SLC24A2: variants seen among roughly 807,000 people sequenced by gnomAD.
SLC24A2 encodes the protein solute carrier family 24 member 2.
In SLC24A2, 36 loss-of-function variants were observed where a neutral mutation model predicts 62.0. That is an observed-to-expected ratio of 0.58 (90% CI 0.44 to 0.77). SLC24A2 has a LOEUF of 0.77. Ranked by LOEUF, SLC24A2 falls within the 30% of genes least tolerant of loss-of-function variation. The pLI is 0.00. For missense variants in SLC24A2, 846 were observed against 817.9 expected, an observed-to-expected ratio of 1.03 and a Z score of -0.42; for synonymous variants, 358 against 294.0, an observed-to-expected ratio of 1.22 and a Z score of -2.23.
the SLC24A2 span, among the ~76,000 whole-genome samples, chr9:20,083,060 G>A: frequency 1.3e-5 from 2 of 152,210 alleles, no homozygotes; most frequent in African/African-American, 4.8e-5. Context: ...GGGTCATTAA[G>A]CATATCTCCT....
the SLC24A2 span, among the ~76,000 whole-genome samples, chr9:20,105,130 T>C: frequency 6.6e-6 from 1 of 152,212 alleles, no homozygotes; most frequent in Non-Finnish European, 1.5e-5. Flanking sequence ...AAGGGATCAA[T>C]TCAACAAGAA....
the SLC24A2 span, among the ~76,000 whole-genome samples, chr9:19,870,173 T>G: frequency 6.6e-6 from 1 of 152,156 alleles, no homozygotes; most frequent in Admixed American, 6.5e-5. Flanking sequence ...CCATTAGTAG[T>G]TATTCCTCAT....
chr9:20,163,860 T>C, the SLC24A2 span, among the ~76,000 whole-genome samples: 1 of 152,072 alleles, frequency 6.6e-6, no homozygotes, highest in Non-Finnish European at 1.5e-5. Context: ...TTGACAAACC[T>C]GACAAAAACA....
the SLC24A2 span, among the ~76,000 whole-genome samples, chr9:19,953,046 A>G: frequency 6.6e-6 from 1 of 151,962 alleles, no homozygotes; most frequent in East Asian, 1.9e-4. Context: ...CCAATTTATT[A>G]TTCATAACAT....
the SLC24A2 span, among the ~76,000 whole-genome samples, chr9:20,238,182 C>G: frequency 6.6e-6 from 1 of 152,194 alleles, no homozygotes; most frequent in East Asian, 1.9e-4. Flanking sequence ...CTGCCAAGTA[C>G]TTTGATACTT....
the SLC24A2 span, among the ~76,000 whole-genome samples, chr9:20,020,526 A>T: frequency 6.6e-6 from 1 of 152,168 alleles, no homozygotes; most frequent in Non-Finnish European, 1.5e-5. Flanking sequence ...AACAATGAGA[A>T]CACATGGACA....
chr9:19,833,177 T>C, the SLC24A2 span, among the ~76,000 whole-genome samples: 7 of 152,168 alleles, frequency 4.6e-5, no homozygotes, highest in African/African-American at 1.7e-4. Flanking sequence ...GATTTCTGCA[T>C]TTCCAACTGA....
chr9:20,170,356 G>C, the SLC24A2 span, among the ~76,000 whole-genome samples: 3 of 152,034 alleles, frequency 2.0e-5, no homozygotes, highest in South Asian at 2.1e-4. Context: ...AGAGCACAGA[G>C]AGCAAAGGAG....
At chr9:19,532,191 T>C (rs1424620977) in intron 8 of SLC24A2, among the ~76,000 whole-genome samples, 1 of 152,192 alleles carries the variant, frequency 6.6e-6, no homozygotes, top group East Asian at 1.9e-4. Context: ...CAAGTGTTTC[T>C]CCTACCTCAG....
At chr9:20,306,774 G>A in the SLC24A2 span, among the ~76,000 whole-genome samples, 1 of 152,194 alleles carries the variant, frequency 6.6e-6, no homozygotes, top group Non-Finnish European at 1.5e-5. Context: ...TTGGTCCACT[G>A]CAACCTCTGC....
Position 19,529,705 on chromosome 9 carries a change from G to GA in SLC24A2, c.1480-1568dup, listed in dbSNP as rs1315231719. 1.1e-3 allele frequency among the ~76,000 whole-genome samples: 166 copies of GA among 147,474 alleles called. 3 individuals are homozygous for GA. The East Asian group carries it at 0.024, about 21-fold the overall frequency. The stretch of plus-strand genomic sequence containing the variant: ...CTAAGCGCTTTAATGGGTAATGGGG[G>GA]AAATAAAAAGGTAATCATTTTTTTA... On this transcript the variant is annotated intron_variant, in intron 8 of 10. Coordinates refer to ENST00000341998, the MANE Select transcript of SLC24A2 (RefSeq NM_020344.4).
chr9:20,223,393 G>A, the SLC24A2 span, among the ~76,000 whole-genome samples: 1 of 152,152 alleles, frequency 6.6e-6, no homozygotes, highest in African/African-American at 2.4e-5. Flanking sequence ...GGGAGGCCAA[G>A]GTGGGAGGAT....
At chr9:19,542,078 C>A (rs866416631) in intron 8 of SLC24A2, among the ~76,000 whole-genome samples, 2 of 152,166 alleles carry the variant, frequency 1.3e-5, no homozygotes, top group Non-Finnish European at 2.9e-5. Flanking sequence ...GCACGGTGCA[C>A]GCACACACTG....
At chr9:19,748,299 A>C (rs1821890660) in intron 2 of SLC24A2, among the ~76,000 whole-genome samples, 1 of 152,150 alleles carries the variant, frequency 6.6e-6, no homozygotes, top group Non-Finnish European at 1.5e-5. Flanking sequence ...TTCCCATTGC[A>C]CTCATGCAAG....
chr9:20,166,338 C>G, the SLC24A2 span, among the ~76,000 whole-genome samples: 6 of 151,866 alleles, frequency 4.0e-5, no homozygotes, highest in African/African-American at 1.4e-4. Flanking sequence ...CTTGCAATGG[C>G]AAAACATTGG....
the SLC24A2 span, among the ~76,000 whole-genome samples, chr9:19,983,991 T>G: frequency 4.1e-4 from 63 of 152,342 alleles, no homozygotes; most frequent in African/African-American, 1.5e-3. Flanking sequence ...ACGCATTCAG[T>G]ATGCTCCTCA....
the SLC24A2 span, among the ~76,000 whole-genome samples, chr9:20,212,882 C>T: frequency 2.0e-5 from 3 of 151,630 alleles, no homozygotes; most frequent in South Asian, 2.1e-4. Context: ...TTGACCACAC[C>T]GTTTAAAAAA....
the SLC24A2 span, among the ~76,000 whole-genome samples, chr9:20,116,662 G>C: frequency 2.0e-5 from 3 of 152,062 alleles, no homozygotes; most frequent in Admixed American, 1.3e-4. Flanking sequence ...AATATTCCCA[G>C]AACATACTGC....
chr9:19,956,810 T>C, the SLC24A2 span, among the ~76,000 whole-genome samples: 1 of 152,156 alleles, frequency 6.6e-6, no homozygotes, highest in Non-Finnish European at 1.5e-5. Flanking sequence ...AGCCAAACCA[T>C]ATCAGTCATG....
Sources: allele counts gnomAD v4.1 joint callset (sites outside exome capture counted in the v4.1 genomes callset), GRCh38; gene constraint gnomAD v4.1.1; transcripts MANE v1.5; gene names NCBI Gene and HGNC (gene_info 2026-07-23, HGNC 2026-07-21).